The following NFATC3 variants were observed in gnomAD, a reference collection of about 807,000 sequenced individuals.
The protein encoded by NFATC3 is nuclear factor of activated T-cells, cytoplasmic 3.
In NFATC3, 46 loss-of-function variants were observed where a neutral mutation model predicts 98.6. The ratio of observed to expected loss-of-function variants is 0.47; its 90% CI spans 0.37 to 0.60. NFATC3 has a LOEUF of 0.60. NFATC3 is among the 20% of genes least tolerant of loss of function. The pLI is 0.00. For missense variants in NFATC3, 1,256 were observed against 1,295.5 expected (o/e 0.97, Z 0.47); for synonymous variants, 512 against 472.2 (o/e 1.08, Z -1.09).
chr16:68,124,796 C>A (rs965074435), intron 2 of NFATC3, among the ~76,000 whole-genome samples: 19 of 151,514 alleles, frequency 1.3e-4, no homozygotes, highest in Admixed American at 7.9e-4. Context: ...GTGGCATGAT[C>A]TCAGCTCACT....
intron 1 of NFATC3, among the ~76,000 whole-genome samples, chr16:68,102,374 G>GAAA (rs71268472): frequency 1.9e-4 from 6 of 30,896 alleles, no homozygotes; most frequent in Admixed American, 3.6e-4. Flanking sequence ...TCCATCTCAG[G>GAAA]AAAAAAAAAA....
intron 9 of NFATC3, among the ~76,000 whole-genome samples, chr16:68,192,558 G>A (rs994705213): frequency 9.2e-5 from 14 of 151,994 alleles, no homozygotes; most frequent in South Asian, 2.1e-4. Flanking sequence ...TGCGAAGGAT[G>A]TATTAAGATA....
At chr16:68,163,452 C>T (rs1166067919) in intron 4 of NFATC3, among the ~76,000 whole-genome samples, 6 of 149,502 alleles carry the variant, frequency 4.0e-5, no homozygotes, top group Non-Finnish European at 7.4e-5. Flanking sequence ...CGGGCAGAGG[C>T]GCCCCTCACC....
intron 5 of NFATC3, among the ~76,000 whole-genome samples, chr16:68,170,497 T>C (rs1311929243): frequency 6.7e-6 from 1 of 149,012 alleles, no homozygotes; most frequent in Non-Finnish European, 1.5e-5. Flanking sequence ...GGCTGTTCTT[T>C]TTTTTTTTTT....
intron 5 of NFATC3, among the ~76,000 whole-genome samples, chr16:68,170,004 C>T (rs1000111768): frequency 3.3e-5 from 5 of 151,924 alleles, no homozygotes; most frequent in Non-Finnish European, 7.4e-5. Flanking sequence ...TCTAGGAGCA[C>T]CACTGCACTC....
In NFATC3 at chr16:68,191,130, G is replaced by T; in HGVS notation, c.2461G>T (p.Ala821Ser). Reference sequence around the variant, plus strand: ...TGGACCAACTTGTCTTCCTATTAATGCTGCCTCTAGTCAAGAATTTGATTC... The same window carrying T: ...TGGACCAACTTGTCTTCCTATTAATTCTGCCTCTAGTCAAGAATTTGATTC... ...YNGPTCLPINAASSQEFDSVL... is the reference protein window; with the variant it reads ...YNGPTCLPINSASSQEFDSVL... The change falls in exon 9 of 10, where the codon GCT (alanine) becomes TCT (serine). Residue 821 changes from alanine to serine, a missense_variant. Around this residue, in one of 3 missense-constraint regions of NFATC3, gnomAD observed 636 missense variants for 617.3 expected, o/e 1.03. Coordinates refer to ENST00000346183, the MANE Select transcript of NFATC3 (RefSeq NM_173165.3). 6.2e-7 allele frequency: 1 copy of T among 1,614,176 alleles called. No homozygotes were observed. The highest frequency in any genetic ancestry group is 8.5e-7 in the Non-Finnish European group (1 of 1,180,040).
intron 9 of NFATC3, chr16:68,192,251 A>ATATATG (rs1427447833): frequency 3.7e-5 from 4 of 109,128 alleles, no homozygotes; most frequent in Non-Finnish European, 7.6e-5. Flanking sequence ...ATATATATAT[A>ATATATG]TATGTATGTG....
intron 1 of NFATC3, among the ~76,000 whole-genome samples, chr16:68,087,656 T>G (rs1178922247): frequency 6.6e-6 from 1 of 152,184 alleles, no homozygotes; most frequent in African/African-American, 2.4e-5. Flanking sequence ...TCTAAAACAT[T>G]TTCTTCATCC....
chr16:68,106,424 T>G (rs1216436755), intron 1 of NFATC3, among the ~76,000 whole-genome samples: 1 of 152,062 alleles, frequency 6.6e-6, no homozygotes, highest in Non-Finnish European at 1.5e-5. Flanking sequence ...CCCGACTAGC[T>G]GAGAATACAG....
chr16:68,117,532 G>A (rs1213954097), intron 1 of NFATC3, among the ~76,000 whole-genome samples: 1 of 152,086 alleles, frequency 6.6e-6, no homozygotes, highest in Non-Finnish European at 1.5e-5. Flanking sequence ...TATTTAGACA[G>A]GGTCTTGCTC....
chr16:68,162,946 C>T (rs1347941515), intron 4 of NFATC3, among the ~76,000 whole-genome samples: 1 of 139,464 alleles, frequency 7.2e-6, no homozygotes, highest in Non-Finnish European at 1.5e-5. Flanking sequence ...GGTGATGACT[C>T]TTAACAACGA....
At chr16:68,090,819 A>T (rs1217834365) in intron 1 of NFATC3, among the ~76,000 whole-genome samples, 1 of 152,122 alleles carries the variant, frequency 6.6e-6, no homozygotes, top group South Asian at 2.1e-4. Flanking sequence ...TAGTAGCTTT[A>T]TTTTCTTACC....
chr16:68,113,750 C>G (rs2151486287), intron 1 of NFATC3, among the ~76,000 whole-genome samples: 1 of 152,358 alleles, frequency 6.6e-6, no homozygotes, highest in Non-Finnish European at 1.5e-5. Context: ...TATCAGAGTT[C>G]TGTCCATAAA....
At chr16:68,142,985 C>T (rs1349069131) in intron 3 of NFATC3, among the ~76,000 whole-genome samples, 1 of 151,512 alleles carries the variant, frequency 6.6e-6, no homozygotes, top group Non-Finnish European at 1.5e-5. Flanking sequence ...AATCCCAGTA[C>T]CTTGTGGGGG....
At chr16:68,203,903 T>C (rs2041032029) in intron 9 of NFATC3, among the ~76,000 whole-genome samples, 3 of 151,748 alleles carry the variant, frequency 2.0e-5, no homozygotes, top group Non-Finnish European at 2.9e-5. Context: ...ACAGTAAAAA[T>C]TGGGCCAGGC....
At chr16:68,165,386 CTTTTTCTT>C (rs2039141513) in intron 4 of NFATC3, among the ~76,000 whole-genome samples, 1 of 118,446 alleles carries the variant, frequency 8.4e-6, no homozygotes, top group Non-Finnish European at 1.8e-5. Flanking sequence ...TTTTTTTTTT[CTTTTTCTT>C]TTTTTTTTTT....
At chr16:68,209,838 AACACACACACAGACAC>A (rs565991702) in intron 9 of NFATC3, 5 of 362,392 alleles carry the variant, frequency 1.4e-5, no homozygotes, top group Non-Finnish European at 2.1e-5. Context: ...CCTGCCCCCC[AACACACACACAGACAC>A]ACACACACAC....
chr16:68,120,077 A>C (rs564881186), intron 1 of NFATC3, among the ~76,000 whole-genome samples: 1 of 151,238 alleles, frequency 6.6e-6, no homozygotes, highest in East Asian at 1.9e-4. Context: ...CAGGAGTTCA[A>C]GATTAGGCTG....
intron 9 of NFATC3, among the ~76,000 whole-genome samples, chr16:68,218,863 C>T (rs1398621723): frequency 1.3e-5 from 2 of 151,720 alleles, no homozygotes; most frequent in Non-Finnish European, 1.5e-5. Context: ...TGAGCCACCA[C>T]GCCCGGCCTA....
Sources: gnomAD v4.1 joint callset for allele counts (sites outside exome capture counted in the v4.1 genomes callset) on GRCh38, gnomAD v4.1.1 for gene constraint, gnomAD v4.1.1 regional missense constraint, MANE v1.5 for transcripts, NCBI Gene and HGNC (gene_info 2026-07-23, HGNC 2026-07-21) for gene names.